The following NRL variants were observed in gnomAD, a reference collection of about 807,000 sequenced individuals.
The protein encoded by NRL is neural retina leucine zipper.
Under a neutral mutation model 12.5 loss-of-function variants are expected in NRL, and 16 were observed. The observed-to-expected ratio is 1.28, with a 90% CI of 0.87 to 1.95. NRL has a LOEUF of 1.95. Ranked by LOEUF, NRL falls within the 30% of genes most tolerant of loss-of-function variation. NRL has a pLI of 0.00. For missense variants in NRL, 314 were observed against 325.8 expected (o/e 0.96, Z 0.28); for synonymous variants, 142 against 150.9 (o/e 0.94, Z 0.43).
Position 24,103,602 on chromosome 14 carries a change from C to T in NRL, c.-28+11120G>A, listed in dbSNP as rs146891790. 1.6e-5 allele frequency: 26 copies of T among 1,611,914 alleles called. No homozygotes were observed. The highest frequency in any genetic ancestry group is 1.7e-4 in the Middle Eastern group (1 of 6,044). On this transcript the variant is annotated intron_variant, in intron 1 of 2. Coordinates refer to ENST00000561028, the MANE Select transcript of NRL (RefSeq NM_001354768.3). ...GGAACACTGGCTGAGCATGGAAGGG[C>T]GCAAGGGGGCCCAGCTGCCCCGTAT...
intron 1 of NRL, chr14:24,098,432 ACAGGTTTGGAACCCTTCATC>A: frequency 1.2e-6 from 2 of 1,612,844 alleles, no homozygotes; most frequent in Non-Finnish European, 1.7e-6. Flanking sequence ...GAAGATGTGA[ACAGGTTTGGAACCCTTCATC>A]CAGGGGATGC....
chr14:24,103,092 C>T (rs1417286632), intron 1 of NRL: 1 of 1,336,394 alleles, frequency 7.5e-7, no homozygotes, highest in Non-Finnish European at 1.1e-6. Flanking sequence ...CAGTCAAGCT[C>T]ACCAGAAGGG....
rs1158661323 is a variant in NRL at position 24,094,772 on chromosome 14, C to G, written c.-27-11897G>C. 37 of 1,412,932 alleles carry G rather than the reference C, an allele frequency of 2.6e-5. No homozygotes were observed. The highest frequency in any genetic ancestry group is 3.4e-5 in the Non-Finnish European group (36 of 1,068,912). The allele number at this position is 1,412,932 out of a possible 1,614,324, so 87.5% of individuals were successfully genotyped here. On this transcript the variant is annotated intron_variant, in intron 1 of 2. Coordinates refer to ENST00000561028, the MANE Select transcript of NRL (RefSeq NM_001354768.3). The surrounding 1 kb of genome is among the most constrained non-coding windows in gnomAD (Gnocchi z 4.1). ...ATCCTCCTTTCCTTCCCAGATACCTCCCTCGGACCTCTAACGGGCTCTCAG... is the reference window on the plus strand; with the variant it reads ...ATCCTCCTTTCCTTCCCAGATACCTGCCTCGGACCTCTAACGGGCTCTCAG...
chr14:24,104,762 C>T (rs1000352017), intron 1 of NRL, among the ~76,000 whole-genome samples: 1 of 152,172 alleles, frequency 6.6e-6, no homozygotes. Context: ...GCCTCTACAA[C>T]TCCATTCTCC....
At chr14:24,082,091 A>G in intron 2 of NRL, 1 of 1,215,190 alleles carries the variant, frequency 8.2e-7, no homozygotes, top group Non-Finnish European at 1.0e-6. Context: ...GAAGTCTTGA[A>G]AAGGCCAATC....
At position 24,114,693 on chromosome 14, in the gene NRL, T is replaced by C. The variant is rs1353503915; in HGVS notation, c.-28+29A>G. The C allele has an allele frequency of 4.1e-6, 4 of 985,966 alleles. No individual in the cohort carries two copies. The East Asian group carries it at 3.4e-4, about 84-fold the overall frequency. 61.1% of individuals were successfully genotyped at this position (985,966 alleles called of 1,614,324 possible). On this transcript the variant is annotated intron_variant, in intron 1 of 2. Transcript: ENST00000561028. ...CTTGGGTGTGCACTTTCTCCTCCCC[T>C]CAGGCACCTCGCGCATTCTCCCGCC...
intron 1 of NRL, among the ~76,000 whole-genome samples, chr14:24,108,239 A>G (rs1031408118): frequency 2.0e-5 from 3 of 152,226 alleles, no homozygotes; most frequent in Middle Eastern, 3.2e-3. Flanking sequence ...AGGAGTGTTC[A>G]TTGATACTGG....
At position 24,082,487 on chromosome 14, in the gene NRL, G is replaced by A. The variant is rs758185532; in HGVS notation, c.362C>T (p.Thr121Ile). Residue 121 changes from threonine to isoleucine, a missense_variant, in exon 2 of 3, where the codon ACA becomes ATA. Transcript: ENST00000561028. ...HGYYPGSPEE[T>I]GAQHVQLAER... ...ACTCACCTGGACGTGCTGGGCTCCT[G>A]TCTCCTCTGGGCTCCCTGGGTAGTA... 1.9e-6 allele frequency: 3 copies of A among 1,612,798 alleles called. No homozygotes were observed. The East Asian group carries it at 6.7e-5, about 36-fold the overall frequency.
intron 1 of NRL, among the ~76,000 whole-genome samples, chr14:24,097,958 C>CTT (rs113313039): frequency 2.1e-5 from 3 of 145,424 alleles, no homozygotes; most frequent in Non-Finnish European, 1.5e-5. Flanking sequence ...AGATCCTTTG[C>CTT]TTTTTTTTTT....
In NRL at chr14:24,114,738, T is replaced by G; in HGVS notation, c.-44A>C. 4 of 985,956 alleles carry G rather than the reference T, an allele frequency of 4.1e-6. No homozygotes were observed. Among genetic ancestry groups the G allele is most frequent in the Non-Finnish European group, 3.6e-6 (3 of 829,966 alleles). The allele number at this position is 985,956 out of a possible 1,614,324, so 61.1% of individuals were successfully genotyped here. A position where few individuals can be genotyped will look rare whatever the true frequency, so the allele number is the denominator to read the frequency against. On this transcript the variant is annotated 5_prime_UTR_variant, in exon 1 of 3. Transcript: ENST00000561028. ...CCCGCCTACCTATCAATCATCGTGC[T>G]CCGCTGTCCAGTTGGCTGGCCAAGG...
chr14:24,094,618 G>A lies in NRL; in HGVS notation c.-27-11743C>T, dbSNP rs1390752380. ...GCGTCTCTTGGGAGGGCAGCCGGCC[G>A]GTGCTCCTCGTTTCCGCCTGCACCT... On this transcript the variant is annotated intron_variant, in intron 1 of 2. Transcript: ENST00000561028. This position sits in a 1 kb window ranked among gnomAD's most constrained non-coding sequence, Gnocchi z 4.1. The A allele has an allele frequency of 3.4e-6, 5 of 1,464,680 alleles. No individual in the cohort carries two copies. The Admixed American group carries it at 6.9e-5, about 20-fold the overall frequency. 90.7% of individuals were successfully genotyped at this position (1,464,680 alleles called of 1,614,324 possible). A position where few individuals can be genotyped will look rare whatever the true frequency, so the allele number is the denominator to read the frequency against.
chr14:24,104,842 A>G (rs533007017), intron 1 of NRL, among the ~76,000 whole-genome samples: 1 of 152,160 alleles, frequency 6.6e-6, no homozygotes, highest in East Asian at 1.9e-4. Flanking sequence ...TGGGAGCTGC[A>G]TAGTATTCAT....
At chr14:24,103,274 C>T in intron 1 of NRL, 3 of 1,568,400 alleles carry the variant, frequency 1.9e-6, no homozygotes, top group African/African-American at 2.7e-5. Context: ...CCTCACCATT[C>T]CTCCCTCTCC....
intron 1 of NRL, among the ~76,000 whole-genome samples, chr14:24,112,556 A>G (rs1383236695): frequency 1.3e-4 from 14 of 109,824 alleles, no homozygotes; most frequent in Non-Finnish European, 2.0e-4. Flanking sequence ...ACCCCATCAA[A>G]AAGTGGGCGA....
rs2036214145 is a variant in NRL, at chr14:24,079,507, A to G, written c.*1729T>C. ...TGGCCAATGGTGGGGAAGGGAGAGG[A>G]GACGAGAGAAATTCTGAGAGCGATG... is the stretch of plus-strand genomic sequence containing the variant. On this transcript the variant is annotated 3_prime_UTR_variant, in exon 3 of 3. Coordinates refer to ENST00000561028, the MANE Select transcript of NRL (RefSeq NM_001354768.3). Among the ~76,000 whole-genome samples the G allele has an allele frequency of 6.6e-6, 1 of 152,136 alleles. No individual in the cohort carries two copies. The highest frequency in any genetic ancestry group is 1.5e-5 in the Non-Finnish European group (1 of 68,020).
In NRL at chr14:24,085,412, CCT is replaced by C. The variant is rs1051372100; in HGVS notation, c.-27-2539_-27-2538del. Reference sequence around the variant, plus strand: ...CCTGTGTGTGTCTCTGCCCCTCTCTCCTCTCTCACTCATTCTAGTTCCCAGAT... The same window carrying C: ...CCTGTGTGTGTCTCTGCCCCTCTCTCCTCTCACTCATTCTAGTTCCCAGAT... On this transcript the variant is annotated intron_variant, in intron 1 of 2. Coordinates refer to ENST00000561028, the MANE Select transcript of NRL (RefSeq NM_001354768.3). This position sits in a 1 kb window ranked among gnomAD's most constrained non-coding sequence, Gnocchi z 4.1. Among the ~76,000 whole-genome samples, 9 of 152,198 alleles carry C rather than the reference CCT, an allele frequency of 5.9e-5. No homozygotes were observed. The highest frequency in any genetic ancestry group is 3.2e-3 in the Middle Eastern group (1 of 316).
rs537124920 is a variant in NRL, at chr14:24,087,875, G to A, written c.-27-5000C>T. 2.2e-4 allele frequency among the ~76,000 whole-genome samples: 33 copies of A among 152,202 alleles called. 1 individual carries two copies. The highest frequency in any genetic ancestry group is 6.7e-4 in the African/African-American group (28 of 41,538). On this transcript the variant is annotated intron_variant, in intron 1 of 2. Transcript: ENST00000561028. ...GTGGATCGCTTGAGCCCAGAAGTTCGACACCAGCCTGGGCAACATGGCAAA... is the reference window on the plus strand; with the variant it reads ...GTGGATCGCTTGAGCCCAGAAGTTCAACACCAGCCTGGGCAACATGGCAAA...
chr14:24,081,650 GC>G lies in NRL; in HGVS notation c.382-83del. 6.5e-7 allele frequency: 1 copy of G among 1,535,432 alleles called. No individual in the cohort carries two copies. ...TGAGGGCCCGACGCTACCTGGCTCC[GC>G]CCCGGGACAGCCCCGCCCCGGCTCC... is the stretch of plus-strand genomic sequence containing the variant. On this transcript the variant is annotated intron_variant, in intron 2 of 2. Transcript: ENST00000561028. The surrounding 1 kb of genome is among the most constrained non-coding windows in gnomAD (Gnocchi z 4.4).
At chr14:24,108,518 G>A (rs1391132425) in intron 1 of NRL, among the ~76,000 whole-genome samples, 5 of 149,586 alleles carry the variant, frequency 3.3e-5, no homozygotes, top group Non-Finnish European at 7.4e-5. Flanking sequence ...TTTTTTTAGA[G>A]ATGGGGTCTC....
Sources: allele counts gnomAD v4.1 joint callset (sites outside exome capture counted in the v4.1 genomes callset), GRCh38; gene constraint gnomAD v4.1.1; non-coding constraint Gnocchi (gnomAD v3.1); transcripts MANE v1.5; gene names NCBI Gene and HGNC (gene_info 2026-07-23, HGNC 2026-07-21).